Variants in CAGE1 observed in about 807,000 individuals in gnomAD.
The protein encoded by CAGE1 is cancer antigen 1, also known as cancer-associated gene 1 protein.
In CAGE1, 66 loss-of-function variants were observed where a neutral mutation model predicts 94.9. The observed-to-expected ratio is 0.70, with a 90% CI of 0.57 to 0.85. The LOEUF (loss-of-function observed/expected upper bound fraction) is 0.85. Among genes scored for constraint, CAGE1 ranks in the 40% least tolerant of loss-of-function variants. The pLI is 0.00. For synonymous variants in CAGE1, 319 were observed against 321.0 expected (o/e 0.99, Z 0.07); for missense variants, 865 against 950.4 (o/e 0.91, Z 1.18).
At chr6:7,368,252 C>CAAAAAAAAAAAAAAAAAAAAAATAAAA in intron 7 of CAGE1, among the ~76,000 whole-genome samples, 1 of 84,442 alleles carries the variant, frequency 1.2e-5, no homozygotes, top group Non-Finnish European at 2.3e-5. Context: ...GACTCTGTCT[C>CAAAAAAAAAAAAAAAAAAAAAATAAAA]AAAAAAAAAA....
In CAGE1 at chr6:7,329,862, T is replaced by G. The variant is rs1445486549; in HGVS notation, c.2465A>C (p.Lys822Thr). 1 of 1,459,386 alleles carries G rather than the reference T, an allele frequency of 6.9e-7. No homozygotes were observed. The highest frequency in any genetic ancestry group is 1.8e-5 in the Admixed American group (1 of 54,640). The allele number at this position is 1,459,386 out of a possible 1,614,324, so 90.4% of individuals were successfully genotyped here. The change falls in exon 13 of 14, where the codon AAG (lysine) becomes ACG (threonine). Residue 822 changes from lysine to threonine, a missense_variant. By Grantham distance (78) the Lys-to-Thr change is moderately conservative. Coordinates refer to ENST00000502583, the MANE Select transcript of CAGE1 (RefSeq NM_001170692.2). Reference protein sequence around the residue: ...PRSKSLENHPKSMTMMPALFK... With the variant: ...PRSKSLENHPTSMTMMPALFK... ...AAGGTGACCTACCATGGTCATGGAC[T>G]TCGGATGATTTTCTAAGCTTTTTGA...
chr6:7,358,027 G>GATATATATATATGTATATATAT lies in CAGE1; in HGVS notation c.2194-1899_2194-1898insATATATATACATATATATATAT, dbSNP rs1554138207. On this transcript the variant is annotated intron_variant, in intron 9 of 13. Transcript: ENST00000502583. Reference sequence around the variant, plus strand: ...CAGACTGCGGTTAGGTAAGTTTTGAGATATATATATATATATATATATATA... The same window carrying GATATATATATATGTATATATAT: ...CAGACTGCGGTTAGGTAAGTTTTGAGATATATATATATGTATATATATATATATATATATATATATATATATA... Among the ~76,000 whole-genome samples the GATATATATATATGTATATATAT allele has an allele frequency of 2.3e-4, 11 of 48,080 alleles. 1 individual carries two copies. Among genetic ancestry groups the GATATATATATATGTATATATAT allele is most frequent in the Admixed American group, 6.0e-4 (2 of 3,318 alleles). 31.5% of individuals were successfully genotyped at this position (48,080 alleles called of 152,430 possible).
Position 7,362,440 on chromosome 6 carries a change from A to G in CAGE1, c.2193+3028T>C, listed in dbSNP as rs375779514. Reference sequence around the variant, plus strand: ...TCAGTGTCTTCCTGGACCAGGAGACATTTTGCACTTGACAGTTAAACACCC... The same window carrying G: ...TCAGTGTCTTCCTGGACCAGGAGACGTTTTGCACTTGACAGTTAAACACCC... On this transcript the variant is annotated intron_variant, in intron 9 of 13. Coordinates refer to ENST00000502583, the MANE Select transcript of CAGE1 (RefSeq NM_001170692.2). The surrounding 1 kb of genome is among the most constrained non-coding windows in gnomAD (Gnocchi z 4.1). Among the ~76,000 whole-genome samples, 2 of 152,152 alleles carry G rather than the reference A, an allele frequency of 1.3e-5. No homozygotes were observed. Among genetic ancestry groups the G allele is most frequent in the South Asian group, 4.1e-4 (2 of 4,832 alleles).
intron 11 of CAGE1, among the ~76,000 whole-genome samples, chr6:7,345,075 TTCTTTCACCCTGCAGTAAA>T (rs1374472312): frequency 2.6e-5 from 4 of 151,868 alleles, no homozygotes; most frequent in African/African-American, 7.3e-5. Flanking sequence ...GAAAGCTTTG[TTCTTTCACCCTGCAGTAAA>T]TCTTAACTCT....
intron 3 of CAGE1, among the ~76,000 whole-genome samples, chr6:7,384,961 G>A (rs943509413): frequency 7.9e-5 from 12 of 152,088 alleles, no homozygotes; most frequent in Non-Finnish European, 1.0e-4. Context: ...GCCTCCCAAA[G>A]AGCTGGGATT....
intron 11 of CAGE1, among the ~76,000 whole-genome samples, chr6:7,354,017 C>T (rs1759870184): frequency 6.6e-6 from 1 of 151,356 alleles, no homozygotes; most frequent in African/African-American, 2.4e-5. Context: ...GATGGGTGCA[C>T]CAAAATCTCA....
At chr6:7,345,731 T>A (rs1759472901) in intron 11 of CAGE1, among the ~76,000 whole-genome samples, 1 of 151,766 alleles carries the variant, frequency 6.6e-6, no homozygotes, top group Non-Finnish European at 1.5e-5. Flanking sequence ...ATTGAGACCA[T>A]CCTGGCTGAC....
chr6:7,329,566 A>AAT (rs1758672941), intron 13 of CAGE1, among the ~76,000 whole-genome samples: 1 of 152,192 alleles, frequency 6.6e-6, no homozygotes, highest in African/African-American at 2.4e-5. Context: ...AGGCAGAAAC[A>AAT]ATAATTAGGA....
intron 6 of CAGE1, 39 bp from the exon 7 acceptor site, chr6:7,368,837 T>A (rs1401742541): frequency 7.7e-7 from 1 of 1,298,178 alleles, no homozygotes; most frequent in South Asian, 1.4e-5. Context: ...GAAAAAGTTT[T>A]TACTAAAGCT....
intron 11 of CAGE1, among the ~76,000 whole-genome samples, chr6:7,345,505 C>T (rs1054997228): frequency 5.3e-5 from 8 of 152,188 alleles, no homozygotes; most frequent in African/African-American, 7.2e-5. Flanking sequence ...TATATTTCAG[C>T]AAGATCACTC....
intron 11 of CAGE1, among the ~76,000 whole-genome samples, chr6:7,338,590 T>C (rs1180259005): frequency 2.6e-5 from 4 of 152,224 alleles, no homozygotes; most frequent in Non-Finnish European, 5.9e-5. Flanking sequence ...TTTTTTGCTA[T>C]ATAAGGTAAC....
At position 7,329,416 on chromosome 6, in the gene CAGE1, C is replaced by T. The variant is rs890220974; in HGVS notation, c.2478+433G>A. 12 of 347,762 alleles carry T rather than the reference C, an allele frequency of 3.5e-5. No homozygotes were observed. In the Admixed American group the frequency reaches 5.1e-4, roughly 15 times the overall value. 21.5% of individuals were successfully genotyped at this position (347,762 alleles called of 1,614,324 possible). ...TCATAGGGGACTTTATACGCCTCGC[C>T]AAGGAGCTCAGATTTGATCCAGAAT... On this transcript the variant is annotated intron_variant, in intron 13 of 13. Transcript: ENST00000502583.
At chr6:7,329,439 A>G (rs1431694514) in intron 13 of CAGE1, among the ~76,000 whole-genome samples, 1 of 152,164 alleles carries the variant, frequency 6.6e-6, no homozygotes, top group Non-Finnish European at 1.5e-5. Flanking sequence ...TTTGATCCAG[A>G]ATGTGATTGG....
At chr6:7,353,907 G>A (rs547181249) in intron 11 of CAGE1, among the ~76,000 whole-genome samples, 22 of 152,060 alleles carry the variant, frequency 1.4e-4, no homozygotes, top group East Asian at 5.8e-4. Context: ...ACACAAAGGC[G>A]TAAGAATGAT....
chr6:7,345,268 A>G (rs972939421), intron 11 of CAGE1, among the ~76,000 whole-genome samples: 3 of 152,204 alleles, frequency 2.0e-5, no homozygotes, highest in African/African-American at 4.8e-5. Flanking sequence ...ACGCTACCTT[A>G]AGAGTTGCAG....
At chr6:7,368,109 T>G (rs1197690876) in intron 7 of CAGE1, among the ~76,000 whole-genome samples, 1 of 151,898 alleles carries the variant, frequency 6.6e-6, no homozygotes, top group Non-Finnish European at 1.5e-5. Context: ...AAAAATTAGC[T>G]GGACGTGGCA....
At chr6:7,346,143 G>A (rs1759522063) in intron 11 of CAGE1, among the ~76,000 whole-genome samples, 1 of 152,174 alleles carries the variant, frequency 6.6e-6, no homozygotes, top group Non-Finnish European at 1.5e-5. Flanking sequence ...CTACTCCGTA[G>A]GCAAAACAGC....
intron 11 of CAGE1, among the ~76,000 whole-genome samples, chr6:7,345,100 A>T (rs1005059171): frequency 6.6e-6 from 1 of 151,388 alleles, no homozygotes; most frequent in Non-Finnish European, 1.5e-5. Context: ...GTAAATCTTA[A>T]CTCTTGTTGC....
intron 7 of CAGE1, among the ~76,000 whole-genome samples, chr6:7,366,150 G>A (rs1760324816): frequency 6.6e-6 from 1 of 151,400 alleles, no homozygotes; most frequent in South Asian, 2.1e-4. Context: ...GGAGACTCAG[G>A]CAGGAGAATT....
Sources: allele counts gnomAD v4.1 joint callset (sites outside exome capture counted in the v4.1 genomes callset), GRCh38; gene constraint gnomAD v4.1.1; non-coding constraint Gnocchi (gnomAD v3.1); transcripts MANE v1.5; gene names NCBI Gene and HGNC (gene_info 2026-07-23, HGNC 2026-07-21).